PTPRD: variants seen among roughly 807,000 people sequenced by gnomAD.
PTPRD encodes protein tyrosine phosphatase receptor type D.
PTPRD carries 34 observed loss-of-function variants against 214.5 expected under a neutral mutation model. The observed-to-expected ratio is 0.16, with a 90% CI of 0.12 to 0.21. The LOEUF is 0.21. Ranked by LOEUF, PTPRD falls within the 10% of genes least tolerant of loss-of-function variation. The pLI is 1.00. For synonymous variants in PTPRD, 1,128 were observed against 845.7 expected (o/e 1.33, Z -5.79); for missense variants, 2,545 against 2,398.7 (o/e 1.06, Z -1.27).
At chr9:9,545,473 C>A (rs1450778766) in intron 8 of PTPRD, among the ~76,000 whole-genome samples, 1 of 151,768 alleles carries the variant, frequency 6.6e-6, no homozygotes, top group Non-Finnish European at 1.5e-5. Context: ...TTTTAAAATT[C>A]TATTGTTTAG....
intron 5 of PTPRD, among the ~76,000 whole-genome samples, chr9:9,863,595 G>T (rs2063269251): frequency 6.6e-6 from 1 of 152,122 alleles, no homozygotes; most frequent in African/African-American, 2.4e-5. Flanking sequence ...GGCTTCAGAG[G>T]AGGCAAACTT....
chr9:9,969,018 G>C (rs1047845336), intron 4 of PTPRD, among the ~76,000 whole-genome samples: 1 of 152,122 alleles, frequency 6.6e-6, no homozygotes, highest in Non-Finnish European at 1.5e-5. Flanking sequence ...TAGTAGGAGA[G>C]AGTCCATAGT....
At chr9:8,369,180 A>G (rs1564331754) in intron 39 of PTPRD, among the ~76,000 whole-genome samples, 1 of 152,184 alleles carries the variant, frequency 6.6e-6, no homozygotes, top group Non-Finnish European at 1.5e-5. Flanking sequence ...AATGGAATTT[A>G]GAATGAATGG....
At position 9,407,872 on chromosome 9, in the gene PTPRD, G is replaced by A. The variant is rs10759065; in HGVS notation, c.-236-10390C>T. 3.0e-3 allele frequency among the ~76,000 whole-genome samples: 454 copies of A among 151,658 alleles called. 1 individual carries two copies. The highest frequency in any genetic ancestry group is 4.0e-3 in the Non-Finnish European group (273 of 67,680). On this transcript the variant is annotated intron_variant, in intron 8 of 45. Coordinates refer to ENST00000381196, the MANE Select transcript of PTPRD (RefSeq NM_002839.4). ...AGAACTTTGTTTCCTTTCCTCTCACGTAATTATCTTGTAAAATTTTGGTTA... is the reference window on the plus strand; with the variant it reads ...AGAACTTTGTTTCCTTTCCTCTCACATAATTATCTTGTAAAATTTTGGTTA...
rs185758122 is a variant in PTPRD, at chr9:9,874,838, A to T, written c.-368+63669T>A. Among the ~76,000 whole-genome samples the T allele has an allele frequency of 5.9e-4, 90 of 152,246 alleles. No homozygotes were observed. The East Asian group carries it at 0.015, about 25-fold the overall frequency. On this transcript the variant is annotated intron_variant, in intron 5 of 45. Transcript: ENST00000381196. ...AAACCTTAATATTTTGTGTCCAGGG[A>T]ATTTGAGATTAGTGATACATTATCC...
intron 9 of PTPRD, among the ~76,000 whole-genome samples, chr9:9,208,624 CCTAT>C (rs552279043): frequency 7.3e-4 from 111 of 152,014 alleles, no homozygotes; most frequent in South Asian, 5.0e-3. Context: ...AAGTGTTTTT[CCTAT>C]CTGTCTTAAG....
chr9:8,714,992 G>C (rs2098415929), intron 12 of PTPRD, among the ~76,000 whole-genome samples: 1 of 151,312 alleles, frequency 6.6e-6, no homozygotes, highest in African/African-American at 2.4e-5. Flanking sequence ...CAAAAGCCTA[G>C]AATAAAAAGA....
intron 8 of PTPRD, among the ~76,000 whole-genome samples, chr9:9,488,286 T>C (rs1292572320): frequency 3.3e-5 from 5 of 152,254 alleles, no homozygotes; most frequent in Non-Finnish European, 7.3e-5. Context: ...AGTAATTCTT[T>C]GGTGTAATTC....
At chr9:8,684,339 T>C (rs1008055585) in intron 12 of PTPRD, among the ~76,000 whole-genome samples, 3 of 152,246 alleles carry the variant, frequency 2.0e-5, no homozygotes, top group Non-Finnish European at 4.4e-5. Flanking sequence ...ATCTCTATTT[T>C]ACAAATGAGC....
chr9:8,521,103 C>T (rs928046519), intron 20 of PTPRD, among the ~76,000 whole-genome samples, 174 bp downstream of exon 20: 5 of 152,044 alleles, frequency 3.3e-5, no homozygotes, highest in South Asian at 2.1e-4. Context: ...AGAAAAAATC[C>T]GCCTATCTAG....
intron 33 of PTPRD, among the ~76,000 whole-genome samples, chr9:8,455,540 C>G (rs185218683): frequency 6.6e-6 from 1 of 152,010 alleles, no homozygotes; most frequent in Non-Finnish European, 1.5e-5. Flanking sequence ...TTTCTTAATG[C>G]CAATGAAATA....
chr9:8,499,026 AC>A lies in PTPRD; in HGVS notation c.2322+620del, dbSNP rs201142232. ...ACATACTCAACTACTCATTTTTAGTACCTTTTTTTTAAACCTTGGTTCAACG... is the reference window on the plus strand; with the variant it reads ...ACATACTCAACTACTCATTTTTAGTACTTTTTTTTAAACCTTGGTTCAACG... On this transcript the variant is annotated intron_variant, in intron 25 of 45. Coordinates refer to ENST00000381196, the MANE Select transcript of PTPRD (RefSeq NM_002839.4). 3.5e-3 allele frequency among the ~76,000 whole-genome samples: 531 copies of A among 150,896 alleles called. 6 individuals carry two copies. Among genetic ancestry groups the A allele is most frequent in the East Asian group, 0.033 (172 of 5,150 alleles).
Position 9,456,307 on chromosome 9 carries a change from A to C in PTPRD, c.-236-58825T>G, listed in dbSNP as rs969200067. On this transcript the variant is annotated intron_variant, in intron 8 of 45. Coordinates refer to ENST00000381196, the MANE Select transcript of PTPRD (RefSeq NM_002839.4). ...CAAACACAAACCCCAATGTCTGCTG[A>C]TGTCTAAATGCTTCCAGGTATTGAT... Among the ~76,000 whole-genome samples the C allele has an allele frequency of 5.9e-5, 9 of 151,924 alleles. No individual in the cohort carries two copies. The East Asian group carries it at 1.6e-3, about 26-fold the overall frequency.
chr9:9,208,150 G>A (rs1055587184), intron 9 of PTPRD, among the ~76,000 whole-genome samples: 1 of 150,538 alleles, frequency 6.6e-6, no homozygotes, highest in African/African-American at 2.4e-5. Context: ...GAGTAGCTGG[G>A]ACTACGGGCA....
chr9:9,838,203 A>C (rs2057352426), intron 5 of PTPRD, among the ~76,000 whole-genome samples: 1 of 152,128 alleles, frequency 6.6e-6, no homozygotes, highest in African/African-American at 2.4e-5. Context: ...AGTCTTTGCT[A>C]TTGTGAATAG....
At chr9:9,467,628 G>A (rs1486139907) in intron 8 of PTPRD, among the ~76,000 whole-genome samples, 2 of 114,758 alleles carry the variant, frequency 1.7e-5, no homozygotes, top group Admixed American at 1.0e-4. Context: ...AGAAATGACC[G>A]CATCTCTTAT....
At chr9:10,085,309 T>C (rs560335131) in intron 3 of PTPRD, among the ~76,000 whole-genome samples, 4 of 151,972 alleles carry the variant, frequency 2.6e-5, no homozygotes, top group East Asian at 3.9e-4. Context: ...TATTTTTAAG[T>C]TCCTGATTAA....
intron 9 of PTPRD, among the ~76,000 whole-genome samples, chr9:9,274,211 A>G (rs1944073277): frequency 6.6e-6 from 1 of 150,956 alleles, no homozygotes; most frequent in Non-Finnish European, 1.5e-5. Context: ...TCATTCTTTC[A>G]CCTTGTACAT....
intron 5 of PTPRD, among the ~76,000 whole-genome samples, chr9:9,882,828 T>A (rs1705485961): frequency 1.3e-5 from 2 of 152,056 alleles, no homozygotes. Flanking sequence ...AGTGGGGGCC[T>A]AATGGGAAGT....
Sources: allele counts gnomAD v4.1 joint callset (sites outside exome capture counted in the v4.1 genomes callset), GRCh38; gene constraint gnomAD v4.1.1; transcripts MANE v1.5; gene names NCBI Gene and HGNC (gene_info 2026-07-23, HGNC 2026-07-21).